The following PAPSS1 variants were observed in gnomAD, a reference collection of about 807,000 sequenced individuals.
PAPSS1 encodes the protein bifunctional 3'-phosphoadenosine 5'-phosphosulfate synthase 1.
Under a neutral mutation model 72.0 loss-of-function variants are expected in PAPSS1, and 50 were observed. The ratio of observed to expected loss-of-function variants is 0.69; its 90% confidence interval spans 0.55 to 0.88. PAPSS1 has a LOEUF of 0.88. PAPSS1 is among the 40% of genes least tolerant of loss of function. The pLI is 0.00. For missense variants in PAPSS1, 657 were observed against 782.2 expected, an observed-to-expected ratio of 0.84 and a Z score of 1.91; for synonymous variants, 261 against 263.6, an observed-to-expected ratio of 0.99 and a Z score of 0.09.
At chr4:107,650,137 T>A (rs1307898014) in intron 9 of PAPSS1, among the ~76,000 whole-genome samples, 2 of 152,134 alleles carry the variant, frequency 1.3e-5, no homozygotes, top group Non-Finnish European at 2.9e-5. Context: ...AAATCCTAGA[T>A]TAAGAAAATA....
At position 107,713,893 on chromosome 4, in the gene PAPSS1, A is replaced by G. The variant is rs574843225; in HGVS notation, c.60+6227T>C. Reference sequence around the variant, plus strand: ...GCATTCATCCAAAGACAGATACTGAATTTCTCTACATAATGTCTGGTATTT... The same window carrying G: ...GCATTCATCCAAAGACAGATACTGAGTTTCTCTACATAATGTCTGGTATTT... On this transcript the variant is annotated intron_variant, in intron 1 of 11. Coordinates refer to ENST00000265174, the MANE Select transcript of PAPSS1 (RefSeq NM_005443.5). 5.5e-3 allele frequency among the ~76,000 whole-genome samples: 841 copies of G among 152,336 alleles called. 8 individuals carry two copies. The highest frequency in any genetic ancestry group is 0.019 in the African/African-American group (791 of 41,570).
intron 2 of PAPSS1, among the ~76,000 whole-genome samples, chr4:107,696,587 G>T (rs1012764709): frequency 1.3e-5 from 2 of 152,020 alleles, no homozygotes; most frequent in African/African-American, 4.8e-5. Context: ...CCTCCCAGTG[G>T]GGGTAGGTAG....
intron 1 of PAPSS1, among the ~76,000 whole-genome samples, chr4:107,710,371 A>G (rs1030540864): frequency 6.6e-5 from 10 of 152,204 alleles, no homozygotes; most frequent in Non-Finnish European, 1.0e-4. Context: ...GGAAGTCCCT[A>G]TAACATTTAC....
At chr4:107,664,872 G>C (rs892682976) in intron 5 of PAPSS1, among the ~76,000 whole-genome samples, 1 of 152,038 alleles carries the variant, frequency 6.6e-6, no homozygotes, top group Non-Finnish European at 1.5e-5. Context: ...TTTTCAAGAA[G>C]GGAAATTTTT....
intron 9 of PAPSS1, among the ~76,000 whole-genome samples, chr4:107,653,032 TGA>T (rs971413637): frequency 7.3e-5 from 11 of 151,416 alleles, no homozygotes; most frequent in Admixed American, 6.6e-4. Flanking sequence ...TAAAACATTC[TGA>T]GATACATGAC....
chr4:107,659,873 C>T, intron 6 of PAPSS1, 86 bp downstream of exon 6: 1 of 713,416 alleles, frequency 1.4e-6, no homozygotes, highest in South Asian at 1.8e-5. Context: ...CACCCCTGGC[C>T]TCAAATACTG....
chr4:107,662,644 G>A (rs1648334378), intron 5 of PAPSS1, among the ~76,000 whole-genome samples: 2 of 151,034 alleles, frequency 1.3e-5, no homozygotes, highest in African/African-American at 4.9e-5. Flanking sequence ...ATGAGATATA[G>A]CTTATCTTCC....
chr4:107,637,499 A>T (rs1726419506), intron 10 of PAPSS1, among the ~76,000 whole-genome samples: 1 of 152,198 alleles, frequency 6.6e-6, no homozygotes, highest in African/African-American at 2.4e-5. Flanking sequence ...ACGGTTGAGA[A>T]ATTTCACTGT....
At chr4:107,677,664 G>A (rs1208877815) in intron 5 of PAPSS1, among the ~76,000 whole-genome samples, 1 of 152,130 alleles carries the variant, frequency 6.6e-6, no homozygotes, top group Admixed American at 6.5e-5. Context: ...AATACCATTG[G>A]ACCCAACAAT....
chr4:107,708,485 C>A (rs1726537040), intron 1 of PAPSS1, among the ~76,000 whole-genome samples: 2 of 152,204 alleles, frequency 1.3e-5, no homozygotes, highest in African/African-American at 4.8e-5. Flanking sequence ...TTACTTCACT[C>A]TTTATAGACA....
chr4:107,627,783 G>GA (rs1370882285), intron 11 of PAPSS1, among the ~76,000 whole-genome samples: 1 of 152,020 alleles, frequency 6.6e-6, no homozygotes, highest in Non-Finnish European at 1.5e-5. Flanking sequence ...TCCATTGGTA[G>GA]AAAAAATCCT....
rs1726233154 is a variant in PAPSS1, at chr4:107,631,852, C to T, written c.1515G>A (p.Trp505Ter). 1.9e-6 allele frequency: 3 copies of T among 1,610,350 alleles called. No homozygotes were observed. Among genetic ancestry groups the T allele is most frequent in the Non-Finnish European group, 1.7e-6 (2 of 1,177,642 alleles). ...MMYAGPTEVQ[W>*]HCRARMVAGA... ...CTGCAACCATCCGTGCTCTGCAATG[C>T]CACTGGACCTAGAATAAAAGTTTCA... Residue 505 changes from tryptophan (W) to a stop codon, truncating the protein, a stop_gained, in exon 11 of 12, where the codon TGG becomes TGA. Coordinates refer to ENST00000265174, the MANE Select transcript of PAPSS1 (RefSeq NM_005443.5). LOFTEE classifies it high-confidence loss of function.
chr4:107,677,380 T>C (rs1005313923), intron 5 of PAPSS1, among the ~76,000 whole-genome samples: 2 of 152,178 alleles, frequency 1.3e-5, no homozygotes, highest in African/African-American at 2.4e-5. Context: ...GAGAAGGATA[T>C]GAACAGGCAC....
chr4:107,679,681 CT>C (rs61604092), intron 5 of PAPSS1, among the ~76,000 whole-genome samples: 27,252 of 142,136 alleles, frequency 0.19, 2,625 homozygotes, highest in East Asian at 0.37. Flanking sequence ...TGAGGCAGGA[CT>C]TTTTTTTTTT....
intron 9 of PAPSS1, among the ~76,000 whole-genome samples, chr4:107,649,517 T>C (rs1159009796): frequency 1.3e-5 from 2 of 152,194 alleles, no homozygotes; most frequent in Non-Finnish European, 2.9e-5. Context: ...CTCATCTGAG[T>C]GTGCCTTCTG....
At chr4:107,645,664 G>A (rs1486692125) in intron 9 of PAPSS1, among the ~76,000 whole-genome samples, 1 of 152,168 alleles carries the variant, frequency 6.6e-6, no homozygotes, top group East Asian at 1.9e-4. Context: ...AATGAAAACT[G>A]CTAGACAGAC....
chr4:107,678,367 AAC>A (rs1281065015), intron 5 of PAPSS1, among the ~76,000 whole-genome samples: 2 of 152,202 alleles, frequency 1.3e-5, no homozygotes, highest in Non-Finnish European at 2.9e-5. Context: ...TTGAAAACAA[AAC>A]ACAGAGATTC....
Position 107,614,316 on chromosome 4 carries a change from T to G in PAPSS1, c.1808A>C (p.Glu603Ala). The G allele has an allele frequency of 6.2e-7, 1 of 1,613,884 alleles. No individual in the cohort carries two copies. The highest frequency in any genetic ancestry group is 1.1e-5 in the South Asian group (1 of 91,074). The change falls in exon 12 of 12, where the codon GAA (glutamate) becomes GCA (alanine). Residue 603 changes from glutamate to alanine, a missense_variant. Transcript: ENST00000265174. Reference sequence around the variant, plus strand: ...CCAAGCCTTGGGAGCCATGAAACCTTCAGGTGGTTTCTGGCCTTCTCGAGC... The same window carrying G: ...CCAAGCCTTGGGAGCCATGAAACCTGCAGGTGGTTTCTGGCCTTCTCGAGC... ...KLAREGQKPP[E>A]GFMAPKAWTV...
At chr4:107,666,021 C>T (rs1156379847) in intron 5 of PAPSS1, among the ~76,000 whole-genome samples, 3 of 152,178 alleles carry the variant, frequency 2.0e-5, no homozygotes, top group Admixed American at 6.5e-5. Flanking sequence ...CACAAGGGCA[C>T]ATTCATATTT....
Sources: gnomAD v4.1 joint callset for allele counts (sites outside exome capture counted in the v4.1 genomes callset) on GRCh38, gnomAD v4.1.1 for gene constraint, MANE v1.5 for transcripts, NCBI Gene and HGNC (gene_info 2026-07-23, HGNC 2026-07-21) for gene names.